The following ZNF33B variants were observed in gnomAD, a reference collection of about 807,000 sequenced individuals.
ZNF33B encodes the protein zinc finger protein 33B.
ZNF33B carries 29 observed loss-of-function variants against 45.8 expected under a neutral mutation model. That is an observed-to-expected ratio of 0.63 (90% CI 0.47 to 0.86). The LOEUF (loss-of-function observed/expected upper bound fraction) is 0.86, where lower values mean the gene tolerates loss of function less well. Ranked by LOEUF, ZNF33B falls within the 40% of genes least tolerant of loss-of-function variation. The probability of loss-of-function intolerance (pLI) is 0.00; values close to 1 mark genes in which losing one functional copy is unlikely to be tolerated. For missense variants in ZNF33B, 831 were observed against 909.9 expected (o/e 0.91, Z 1.12); for synonymous variants, 305 against 307.8 (o/e 0.99, Z 0.10).
rs573035900 is a variant in ZNF33B at position 42,623,349 on chromosome 10, CA to C, written c.250+8579del. ...CTAAAAGAAATACACTTTGATAAAA[CA>C]ATTCTACTCCTAGGTTTATATCCAA... On this transcript the variant is annotated intron_variant, in intron 4 of 4. Transcript: ENST00000359467. 1.9e-3 allele frequency among the ~76,000 whole-genome samples: 282 copies of C among 152,238 alleles called. 2 individuals are homozygous for C. Among genetic ancestry groups the C allele is most frequent in the African/African-American group, 6.3e-3 (262 of 41,562 alleles).
chr10:42,622,357 T>C (rs1006479292), intron 4 of ZNF33B, among the ~76,000 whole-genome samples: 5 of 152,224 alleles, frequency 3.3e-5, no homozygotes, highest in South Asian at 4.1e-4. Context: ...CGTGGAATTA[T>C]AAGGGCCCTG....
chr10:42,585,104 G>A (rs977911113), downstream of ZNF33B, among the ~76,000 whole-genome samples: 1 of 152,174 alleles, frequency 6.6e-6, no homozygotes, highest in African/African-American at 2.4e-5. Flanking sequence ...AATGCAAGAG[G>A]AAACTGACCA....
intron 1 of ZNF33B, among the ~76,000 whole-genome samples, chr10:42,577,268 C>A (rs907195864): frequency 1.6e-4 from 24 of 152,140 alleles, no homozygotes; most frequent in African/African-American, 5.3e-4. Context: ...ACCTCGACCT[C>A]CCCTCTGACT....
chr10:42,637,045 A>G lies in ZNF33B; in HGVS notation c.-44-73T>C, dbSNP rs1214068285. The G allele has an allele frequency of 1.2e-5, 17 of 1,474,480 alleles. No individual in the cohort carries two copies. In the Admixed American group the frequency reaches 3.0e-4, roughly 26 times the overall value. 91.3% of individuals were successfully genotyped at this position (1,474,480 alleles called of 1,614,324 possible). ...GGCAACTCCCGGATTCTTCTGCCCT[A>G]AGAAGCCATACACACCCACTAGGTA... On this transcript the variant is annotated intron_variant, in intron 1 of 4. Transcript: ENST00000359467.
intron 4 of ZNF33B, among the ~76,000 whole-genome samples, chr10:42,630,032 C>G (rs1356650649): frequency 6.6e-6 from 1 of 152,158 alleles, no homozygotes; most frequent in African/African-American, 2.4e-5. Context: ...AAAAATGATT[C>G]TAGAAACTCA....
chr10:42,584,697 T>G (rs531513243), downstream of ZNF33B, among the ~76,000 whole-genome samples: 23 of 152,246 alleles, frequency 1.5e-4, no homozygotes, highest in Non-Finnish European at 1.5e-5. Context: ...AATTTTGTAT[T>G]TTTAGTAGAG....
Position 42,638,469 on chromosome 10 carries a change from C to A in ZNF33B, c.-45+5G>T. ...TCCGTCCCTGCCCAACCCGCGGAGGCTTACCTCACTCTCTCTTCGGGTTGC... is the reference window on the plus strand; with the variant it reads ...TCCGTCCCTGCCCAACCCGCGGAGGATTACCTCACTCTCTCTTCGGGTTGC... On this transcript the variant is annotated splice_donor_5th_base_variant and intron_variant, in intron 1 of 4. Transcript: ENST00000359467. The A allele has an allele frequency of 2.4e-6, 1 of 420,442 alleles. No individual in the cohort carries two copies. Among genetic ancestry groups the A allele is most frequent in the East Asian group, 7.6e-5 (1 of 13,134 alleles). The allele number at this position is 420,442 out of a possible 1,614,324, so 26.0% of individuals were successfully genotyped here. A position where few individuals can be genotyped will look rare whatever the true frequency, so the allele number is the denominator to read the frequency against.
At position 42,594,674 on chromosome 10, in the gene ZNF33B, T is replaced by C. The variant is rs757450415; in HGVS notation, c.276A>G (p.Lys92=). ...FPEVWTADHL[K]ERSQENQSKH... is the part of the protein sequence containing the mutation. ...TAGATTGATTTTCTTGGCTCCTCTCTTTCAGGTGATCAGCTGTCCAGACTT... is the reference window on the plus strand; with the variant it reads ...TAGATTGATTTTCTTGGCTCCTCTCCTTCAGGTGATCAGCTGTCCAGACTT... The change falls in exon 5 of 5, where the codon AAA becomes AAG. Residue 92 remains lysine (K), a synonymous_variant. Transcript: ENST00000359467. 3.1e-6 allele frequency: 5 copies of C among 1,588,852 alleles called. No homozygotes were observed. In the Admixed American group the frequency reaches 5.4e-5, roughly 17 times the overall value.
chr10:42,632,555 A>G (rs1839110116), intron 2 of ZNF33B, 116 bp from the exon 3 acceptor site: 11 of 1,376,460 alleles, frequency 8.0e-6, no homozygotes, highest in Non-Finnish European at 1.1e-5. Flanking sequence ...AAGAAATCAT[A>G]ACAGAAATAT....
Position 42,592,362 on chromosome 10 carries a change from CA to C in ZNF33B, c.*250del, listed in dbSNP as rs1564494295. On this transcript the variant is annotated 3_prime_UTR_variant, in exon 5 of 5. Transcript: ENST00000359467. Reference sequence around the variant, plus strand: ...GTTTTGCCAAAAACTTTCACAAATTCAAAAAAATCTGTGAGGTTTTATGCCA... The same window carrying C: ...GTTTTGCCAAAAACTTTCACAAATTCAAAAAATCTGTGAGGTTTTATGCCA... 8.0e-6 allele frequency: 5 copies of C among 628,834 alleles called. No individual in the cohort carries two copies. The highest frequency in any genetic ancestry group is 4.7e-6 in the Non-Finnish European group (2 of 429,138). The allele number at this position is 628,834 out of a possible 1,614,324, so 39.0% of individuals were successfully genotyped here.
downstream of ZNF33B, among the ~76,000 whole-genome samples, chr10:42,584,943 C>T (rs1256248527): frequency 6.6e-6 from 1 of 152,194 alleles, no homozygotes; most frequent in Admixed American, 6.5e-5. Flanking sequence ...TCAGGCTCTG[C>T]TCGATGCCCT....
At chr10:42,576,757 A>T (rs1836754380) in intron 1 of ZNF33B, among the ~76,000 whole-genome samples, 1 of 152,236 alleles carries the variant, frequency 6.6e-6, no homozygotes, top group African/African-American at 2.4e-5. Flanking sequence ...GAATGGTGGA[A>T]AACAAGAAGG....
At chr10:42,616,622 G>C (rs1838329185) in intron 4 of ZNF33B, among the ~76,000 whole-genome samples, 1 of 152,104 alleles carries the variant, frequency 6.6e-6, no homozygotes, top group African/African-American at 2.4e-5. Context: ...GGTGATACAA[G>C]AGATCCAGCA....
chr10:42,587,334 G>A (rs909031370), downstream of ZNF33B, among the ~76,000 whole-genome samples: 4 of 152,100 alleles, frequency 2.6e-5, no homozygotes, highest in Non-Finnish European at 4.4e-5. Flanking sequence ...TGAGTAGCTG[G>A]GATTACAGGT....
At chr10:42,598,408 G>A (rs1005669582) in intron 4 of ZNF33B, among the ~76,000 whole-genome samples, 34 of 152,190 alleles carry the variant, frequency 2.2e-4, no homozygotes, top group African/African-American at 7.7e-4. Flanking sequence ...GCAGACAAAG[G>A]TCATGGCCTT....
chr10:42,606,795 TAAAA>T (rs34274785), intron 4 of ZNF33B, among the ~76,000 whole-genome samples: 1 of 140,510 alleles, frequency 7.1e-6, no homozygotes, highest in Non-Finnish European at 1.5e-5. Flanking sequence ...GAACTTAAAG[TAAAA>T]AAAAAAAAAA....
chr10:42,601,360 A>T (rs1413531850), intron 4 of ZNF33B, among the ~76,000 whole-genome samples: 2 of 151,998 alleles, frequency 1.3e-5, no homozygotes, highest in Non-Finnish European at 1.5e-5. Context: ...ATTATTCTCA[A>T]AATACTGTTT....
Position 42,593,249 on chromosome 10 carries a change from G to C in ZNF33B, c.1701C>G (p.Thr567=), listed in dbSNP as rs752103421. The part of the protein sequence containing the change: ...ECGKFFSHKS[T]LSQHYRTHTG... ...TGTGTGTTCTATAATGTTGAGAGAG[G>C]GTTGACTTATGGCTAAAGAATTTCC... Residue 567 remains threonine (T), a synonymous_variant, in exon 5 of 5, where the codon ACC becomes ACG. Transcript: ENST00000359467. 1 of 1,613,554 alleles carries C rather than the reference G, an allele frequency of 6.2e-7. No individual in the cohort carries two copies. The highest frequency in any genetic ancestry group is 1.3e-5 in the African/African-American group (1 of 74,812).
chr10:42,583,715 C>G (rs1836868755), intron 1 of ZNF33B, among the ~76,000 whole-genome samples: 1 of 152,120 alleles, frequency 6.6e-6, no homozygotes, highest in Non-Finnish European at 1.5e-5. Context: ...ATTCACGGGC[C>G]AGTGCAATAC....
Sources: gnomAD v4.1 joint callset for allele counts (sites outside exome capture counted in the v4.1 genomes callset) on GRCh38, gnomAD v4.1.1 for gene constraint, MANE v1.5 for transcripts, NCBI Gene and HGNC (gene_info 2026-07-23, HGNC 2026-07-21) for gene names.